DNAH11: variants seen among roughly 807,000 people sequenced by gnomAD.
DNAH11 encodes dynein axonemal heavy chain 11, also known as axonemal beta dynein heavy chain 11.
Under a neutral mutation model 526.0 loss-of-function variants are expected in DNAH11, and 442 were observed. The observed-to-expected ratio is 0.84, with a 90% CI of 0.78 to 0.91. The LOEUF (loss-of-function observed/expected upper bound fraction) is 0.91. Ranked by LOEUF, DNAH11 falls within the 40% of genes least tolerant of loss-of-function variation. The pLI, the probability that DNAH11 is intolerant of heterozygous loss-of-function variation, is 0.00. For missense variants in DNAH11, 6,989 were observed against 5,448.7 expected, an observed-to-expected ratio of 1.28 and a Z score of -8.90; for synonymous variants, 2,461 against 1,935.9, an observed-to-expected ratio of 1.27 and a Z score of -7.12.
chr7:21,777,598 A>T (rs1787734841), intron 56 of DNAH11, among the ~76,000 whole-genome samples: 1 of 152,154 alleles, frequency 6.6e-6, no homozygotes, highest in Non-Finnish European at 1.5e-5. Flanking sequence ...TCTAATTTTT[A>T]TTTTAACCAT....
At chr7:21,810,279 A>G (rs1021286641) in intron 63 of DNAH11, among the ~76,000 whole-genome samples, 12 of 152,234 alleles carry the variant, frequency 7.9e-5, no homozygotes, top group East Asian at 7.7e-4. Flanking sequence ...CACTTCTGTC[A>G]TAGAGAATAG....
intron 56 of DNAH11, 133 bp from the exon 57 acceptor site, chr7:21,778,825 G>A: frequency 9.3e-7 from 1 of 1,075,926 alleles, no homozygotes; most frequent in East Asian, 2.7e-5. Context: ...TCAGAAGACA[G>A]TGAAAATCAG....
rs771419966 is a variant in DNAH11, at chr7:21,711,736, C to T, written c.6859C>T (p.Arg2287Cys). The change falls in exon 42 of 82, where the codon CGC becomes TGC. Residue 2287 changes from arginine to cysteine, a missense_variant. Transcript: ENST00000409508. ...NKVLTLASNERIALTPFMRLL... is the reference protein window; with the variant it reads ...NKVLTLASNECIALTPFMRLL... The stretch of plus-strand genomic sequence containing the variant: ...GGTGCTGACCCTCGCCAGCAATGAG[C>T]GCATTGCACTCACTCCCTTCATGAG... The T allele has an allele frequency of 6.2e-6, 10 of 1,613,546 alleles. No individual in the cohort carries two copies. The highest frequency in any genetic ancestry group is 1.1e-5 in the South Asian group (1 of 91,046).
Position 21,854,047 on chromosome 7 carries a change from A to G in DNAH11, c.11062-268A>G, listed in dbSNP as rs114270971. Among the ~76,000 whole-genome samples, 1,229 of 152,318 alleles carry G rather than the reference A, an allele frequency of 8.1e-3. 18 individuals carry two copies. Among genetic ancestry groups the G allele is most frequent in the African/African-American group, 0.027 (1,129 of 41,550 alleles). On this transcript the variant is annotated intron_variant, in intron 67 of 81. Transcript: ENST00000409508. The stretch of plus-strand genomic sequence containing the variant: ...GAAGGTGACATTACTCAAATTCTGT[A>G]GAACAGAAAACAACTAGGTTTGTTT...
At chr7:21,795,356 CT>C (rs891087865) in intron 61 of DNAH11, among the ~76,000 whole-genome samples, 46 of 152,126 alleles carry the variant, frequency 3.0e-4, no homozygotes, top group African/African-American at 1.0e-3. Flanking sequence ...CTAATTCTCC[CT>C]GTTCTCCTAG....
At chr7:21,766,428 C>A (rs184913901) in intron 55 of DNAH11, among the ~76,000 whole-genome samples, 1 of 152,100 alleles carries the variant, frequency 6.6e-6, no homozygotes, top group Non-Finnish European at 1.5e-5. Context: ...TAGAATAGGT[C>A]AGACACTGAA....
chr7:21,684,514 A>T (rs530021030), intron 32 of DNAH11, among the ~76,000 whole-genome samples: 1 of 152,252 alleles, frequency 6.6e-6, no homozygotes, highest in Non-Finnish European at 1.5e-5. Flanking sequence ...CAATAAAAAA[A>T]GATCAATATG....
In DNAH11 at chr7:21,752,814, G is replaced by C. The variant is rs192018873; in HGVS notation, c.8940+2450G>C. 9.2e-5 allele frequency among the ~76,000 whole-genome samples: 14 copies of C among 152,266 alleles called. No homozygotes were observed. In the East Asian group the frequency reaches 2.7e-3, roughly 29 times the overall value. On this transcript the variant is annotated intron_variant, in intron 54 of 81. Transcript: ENST00000409508. ...TGCAGCCTCTGCCTCCTGGGTTCAA[G>C]CAATTCTTCTGCCTCAGCCTCCTGA...
intron 23 of DNAH11, 35 bp from the exon 24 acceptor site, chr7:21,619,065 G>A: frequency 1.2e-6 from 2 of 1,611,954 alleles, no homozygotes; most frequent in Non-Finnish European, 1.7e-6. Context: ...TCATATATGT[G>A]GAATATAAAG....
intron 64 of DNAH11, among the ~76,000 whole-genome samples, chr7:21,817,549 C>T (rs1383403771): frequency 6.9e-6 from 1 of 145,212 alleles, no homozygotes; most frequent in East Asian, 2.0e-4. Flanking sequence ...AAAAAGTTGC[C>T]AGGTATGGTA....
In DNAH11 at chr7:21,725,917, C is replaced by G; in HGVS notation, c.7373C>G (p.Thr2458Ser). 6.3e-7 allele frequency: 1 copy of G among 1,581,228 alleles called. No individual in the cohort carries two copies. The highest frequency in any genetic ancestry group is 1.2e-5 in the South Asian group (1 of 86,184). ...TTTGATTATTATGTGGACCACAAAA[C>G]TAAGAAATTATTGCCCTGGGCTGAC... ...TIFDYYVDHKTKKLLPWADKI... is the reference protein window; with the variant it reads ...TIFDYYVDHKSKKLLPWADKI... The change falls in exon 45 of 82, where the codon ACT becomes AGT. Residue 2458 changes from threonine (T) to serine (S), a missense_variant. Physicochemically the swap from Thr to Ser is moderately conservative, Grantham distance 58. Coordinates refer to ENST00000409508, the MANE Select transcript of DNAH11 (RefSeq NM_001277115.2).
chr7:21,743,511 G>A (rs973230595), intron 49 of DNAH11, among the ~76,000 whole-genome samples: 1 of 152,068 alleles, frequency 6.6e-6, no homozygotes. Flanking sequence ...GACAGAGGTG[G>A]TATATTGATG....
At position 21,543,310 on chromosome 7, in the gene DNAH11, C is replaced by T. The variant is rs1562648351; in HGVS notation, c.65C>T (p.Thr22Ile). ...DFREAPTLRL[T>I]SGAGLEAVGA... ...AGAGAAGCCCCGACCCTTCGCCTAA[C>T]CTCGGGGGCCGGCCTGGAGGCAGTG... The change falls in exon 1 of 82, where the codon ACC becomes ATC. Residue 22 changes from threonine (T) to isoleucine (I), a missense_variant. Transcript: ENST00000409508. 1 of 1,549,846 alleles carries T rather than the reference C, an allele frequency of 6.5e-7. No individual in the cohort carries two copies. Among genetic ancestry groups the T allele is most frequent in the Admixed American group, 2.0e-5 (1 of 50,972 alleles).
chr7:21,544,948 T>G (rs1300244130), intron 1 of DNAH11, 58 bp from the exon 2 acceptor site: 3 of 1,434,230 alleles, frequency 2.1e-6, no homozygotes, highest in Admixed American at 2.4e-5. Flanking sequence ...TTGGATATAG[T>G]AAATCCTGCT....
At chr7:21,786,480 C>A in intron 58 of DNAH11, 144 bp from the exon 59 acceptor site, 1 of 970,638 alleles carries the variant, frequency 1.0e-6, no homozygotes, top group Non-Finnish European at 1.5e-6. Context: ...GGTGGAGTCC[C>A]CAGGTGGCAA....
In DNAH11 at chr7:21,570,050, C is replaced by G. The variant is rs563310283; in HGVS notation, c.1195-19C>G. On this transcript the variant is annotated intron_variant, in intron 6 of 81. Coordinates refer to ENST00000409508, the MANE Select transcript of DNAH11 (RefSeq NM_001277115.2). Reference sequence around the variant, plus strand: ...GTTAAACATAGTTTTGATCATTGTTCCCTTTCATTAAATCCTAGGCAACAG... The same window carrying G: ...GTTAAACATAGTTTTGATCATTGTTGCCTTTCATTAAATCCTAGGCAACAG... The G allele has an allele frequency of 5.9e-6, 9 of 1,534,042 alleles. 1 individual carries two copies. The East Asian group carries it at 2.1e-4, about 35-fold the overall frequency.
intron 73 of DNAH11, among the ~76,000 whole-genome samples, chr7:21,872,089 A>T (rs954639288): frequency 1.5e-5 from 2 of 131,978 alleles, no homozygotes; most frequent in African/African-American, 5.5e-5. Context: ...GCACCACTGC[A>T]CTCCAGCCTG....
intron 63 of DNAH11, among the ~76,000 whole-genome samples, chr7:21,814,735 T>A (rs374216423): frequency 1.3e-5 from 2 of 152,120 alleles, no homozygotes; most frequent in Non-Finnish European, 2.9e-5. Flanking sequence ...ATGAAACCAC[T>A]GTTGTATATG....
chr7:21,875,672 A>G (rs1783675827), intron 74 of DNAH11, among the ~76,000 whole-genome samples: 1 of 152,054 alleles, frequency 6.6e-6, no homozygotes, highest in Non-Finnish European at 1.5e-5. Context: ...AAAAATAATA[A>G]TAAGTGTTAA....
Sources: allele counts gnomAD v4.1 joint callset (sites outside exome capture counted in the v4.1 genomes callset), GRCh38; gene constraint gnomAD v4.1.1; transcripts MANE v1.5; gene names NCBI Gene and HGNC (gene_info 2026-07-23, HGNC 2026-07-21).